The following ARHGAP23 variants were observed in gnomAD, a reference collection of about 807,000 sequenced individuals.
ARHGAP23 encodes Rho GTPase activating protein 23, also known as rho GTPase-activating protein 23.
ARHGAP23 carries 34 observed loss-of-function variants against 136.3 expected under a neutral mutation model. That is an observed-to-expected ratio of 0.25 (90% CI 0.19 to 0.33). The LOEUF (loss-of-function observed/expected upper bound fraction) is 0.33, where lower values mean the gene tolerates loss of function less well. Ranked by LOEUF, ARHGAP23 falls within the 10% of genes least tolerant of loss-of-function variation. ARHGAP23 has a pLI of 1.00. For missense variants in ARHGAP23, 1,808 were observed against 2,139.0 expected, an observed-to-expected ratio of 0.85 and a Z score of 3.05; for synonymous variants, 832 against 920.5, an observed-to-expected ratio of 0.90 and a Z score of 1.74.
upstream of ARHGAP23, chr17:38,428,343 G>T (rs546607511): frequency 1.5e-3 from 444 of 292,442 alleles, 3 homozygotes; most frequent in Middle Eastern, 0.022. Context: ...GGGGTGGGTG[G>T]TGGGAAGGGG....
intron 1 of ARHGAP23, among the ~76,000 whole-genome samples, chr17:38,420,922 A>AT (rs199615459): frequency 6.6e-5 from 10 of 151,914 alleles, no homozygotes; most frequent in Non-Finnish European, 1.0e-4. Flanking sequence ...TTTCACCTGG[A>AT]TTTTTTTTTA....
chr17:38,498,438 C>A lies in ARHGAP23; in HGVS notation c.3343C>A (p.Gln1115Lys). 6.5e-7 allele frequency: 1 copy of A among 1,548,632 alleles called. No individual in the cohort carries two copies. The highest frequency in any genetic ancestry group is 8.7e-7 in the Non-Finnish European group (1 of 1,146,254). ...GACCCCTGTGGGCGACAAGGAGCCT[C>A]AGGCAGTGCCCAACATTGAGTACCT... ...ERTPVGDKEP[Q>K]AVPNIEYLLP... Residue 1115 changes from glutamine to lysine, a missense_variant, in exon 22 of 24, where the codon CAG (glutamine) becomes AAG (lysine). This residue lies in a region of ARHGAP23 where 104 missense variants were observed against 131.8 expected (regional missense o/e 0.79). Transcript: ENST00000622683.
chr17:38,485,100 C>G (rs1291646289), intron 16 of ARHGAP23, among the ~76,000 whole-genome samples: 1 of 152,102 alleles, frequency 6.6e-6, no homozygotes, highest in African/African-American at 2.4e-5. Context: ...TTCTTGTACT[C>G]GACAACCATT....
At chr17:38,476,647 G>C (rs563015200) in intron 11 of ARHGAP23, among the ~76,000 whole-genome samples, 1 of 152,312 alleles carries the variant, frequency 6.6e-6, no homozygotes, top group Non-Finnish European at 1.5e-5. Context: ...ACATCCTTGA[G>C]GGAGGTGTGC....
chr17:38,488,612 G>A (rs1033756586), intron 17 of ARHGAP23, among the ~76,000 whole-genome samples: 2 of 152,196 alleles, frequency 1.3e-5, no homozygotes, highest in Admixed American at 1.3e-4. Context: ...GCAATGGTGT[G>A]ATCTTGGCTC....
chr17:38,498,164 C>T (rs2040434417), intron 21 of ARHGAP23, among the ~76,000 whole-genome samples: 1 of 152,216 alleles, frequency 6.6e-6, no homozygotes, highest in South Asian at 2.1e-4. Context: ...GACACAGCTC[C>T]TGCCCCTAGC....
chr17:38,465,803 C>T, intron 6 of ARHGAP23, among the ~76,000 whole-genome samples: 1 of 151,176 alleles, frequency 6.6e-6, no homozygotes, highest in East Asian at 2.0e-4. Flanking sequence ...CCGGCTCCAC[C>T]CGAGGAGCTT....
intron 12 of ARHGAP23, among the ~76,000 whole-genome samples, chr17:38,478,410 TG>T (rs2039949970): frequency 1.7e-5 from 2 of 116,450 alleles, no homozygotes; most frequent in Admixed American, 2.2e-4. Context: ...GCAGGGATTT[TG>T]GGATAATTTT....
Position 38,477,653 on chromosome 17 carries a change from G to A in ARHGAP23, c.2193G>A (p.Lys731=). The A allele has an allele frequency of 1.6e-6, 2 of 1,258,054 alleles. No individual in the cohort carries two copies. The highest frequency in any genetic ancestry group is 2.0e-6 in the Non-Finnish European group (2 of 998,270). 77.9% of individuals were successfully genotyped at this position (1,258,054 alleles called of 1,614,324 possible). Residue 731 remains lysine (K), a synonymous_variant, in exon 12 of 24, where the codon AAG becomes AAA. Coordinates refer to ENST00000622683, the MANE Select transcript of ARHGAP23 (RefSeq NM_001199417.2). This position sits in a 1 kb window ranked among gnomAD's most constrained non-coding sequence, Gnocchi z 6.6. Reference sequence around the variant, plus strand: ...GGGCGCGCTCGCTCTCGCTGAGCAAGGAGCGGCGGGAGCCCGGGCCGGCGG... The same window carrying A: ...GGGCGCGCTCGCTCTCGCTGAGCAAAGAGCGGCGGGAGCCCGGGCCGGCGG... ...ALRARSLSLS[K]ERREPGPAAA...
In ARHGAP23 at chr17:38,469,853, G is replaced by T; in HGVS notation, c.1923G>T (p.Leu641=). 1 of 1,551,676 alleles carries T rather than the reference G, an allele frequency of 6.4e-7. No homozygotes were observed. Among genetic ancestry groups the T allele is most frequent in the African/African-American group, 1.4e-5 (1 of 73,178 alleles). The change falls in exon 10 of 24, where the codon CTG becomes CTT. Residue 641 remains leucine, a synonymous_variant. Transcript: ENST00000622683. Reference sequence around the variant, plus strand: ...CTCGACCCTCGCTTTCCAGGCGCCTGCCAAACCGCATACCCAGCCTGCGGA... The same window carrying T: ...CTCGACCCTCGCTTTCCAGGCGCCTTCCAAACCGCATACCCAGCCTGCGGA... ...FRDEGRVLRR[L]PNRIPSLRML...
In ARHGAP23 at chr17:38,510,901, G is replaced by A; in HGVS notation, c.4405G>A (p.Gly1469Arg). The A allele has an allele frequency of 6.7e-7, 1 of 1,489,886 alleles. No individual in the cohort carries two copies. Among genetic ancestry groups the A allele is most frequent in the South Asian group, 1.3e-5 (1 of 79,028 alleles). 92.3% of individuals were successfully genotyped at this position (1,489,886 alleles called of 1,614,324 possible). Residue 1469 changes from glycine (G) to arginine (R), a missense_variant, in exon 24 of 24, where the codon GGG becomes AGG. Gly to Arg is a moderately radical substitution (Grantham distance 125, BLOSUM62 -2). Around this residue, in one of 7 missense-constraint regions of ARHGAP23, gnomAD observed 506 missense variants for 455.8 expected, o/e 1.11. Transcript: ENST00000622683. This position sits in a 1 kb window ranked among gnomAD's most constrained non-coding sequence, Gnocchi z 4.6. Reference sequence around the variant, plus strand: ...CGCTGCCTCGCAGCCGCCCGCGCCCGGGGACACGGGGTCCCTGCAGAGCCA... The same window carrying A: ...CGCTGCCTCGCAGCCGCCCGCGCCCAGGGACACGGGGTCCCTGCAGAGCCA... ...SSAASQPPAP[G>R]DTGSLQSQPP...
chr17:38,467,431 T>C (rs1336549826), intron 7 of ARHGAP23, 100 bp downstream of exon 7: 1 of 1,086,734 alleles, frequency 9.2e-7, no homozygotes, highest in East Asian at 2.7e-5. Context: ...AGAATTCGGC[T>C]GGGTGCTGGT....
At chr17:38,466,017 C>G in intron 6 of ARHGAP23, 150 bp from the exon 7 acceptor site, 1 of 560,492 alleles carries the variant, frequency 1.8e-6, no homozygotes, top group Non-Finnish European at 3.0e-6. Flanking sequence ...CCTTCCACCC[C>G]CACCCACTTA....
At chr17:38,501,578 G>A (rs1157388116) in intron 23 of ARHGAP23, among the ~76,000 whole-genome samples, 6 of 152,102 alleles carry the variant, frequency 3.9e-5, no homozygotes, top group Admixed American at 3.9e-4. Flanking sequence ...TGGGATTACA[G>A]GCGTGAGTCA....
At chr17:38,487,894 A>C (rs1204485561) in intron 17 of ARHGAP23, among the ~76,000 whole-genome samples, 1 of 151,920 alleles carries the variant, frequency 6.6e-6, no homozygotes, top group Non-Finnish European at 1.5e-5. Context: ...TAATACAATA[A>C]AATAAAAATA....
chr17:38,471,625 G>T (rs150946922), intron 10 of ARHGAP23, among the ~76,000 whole-genome samples: 53 of 152,342 alleles, frequency 3.5e-4, no homozygotes, highest in African/African-American at 1.2e-3. Context: ...GTGGTGAGGC[G>T]TGTGGTCTGC....
At chr17:38,498,311 C>A in intron 21 of ARHGAP23, 103 bp from the exon 22 acceptor site, 1 of 866,754 alleles carries the variant, frequency 1.2e-6, no homozygotes, top group East Asian at 2.8e-5. Flanking sequence ...TGAGCCCGGT[C>A]TGATGGAGGA....
intron 23 of ARHGAP23, among the ~76,000 whole-genome samples, 189 bp from the exon 24 acceptor site, chr17:38,509,755 G>T (rs556717590): frequency 2.0e-5 from 3 of 152,310 alleles, no homozygotes; most frequent in East Asian, 3.9e-4. Context: ...TGGGCCAGCG[G>T]GGGTAGTCTC....
At chr17:38,502,339 C>T (rs1174508842) in intron 23 of ARHGAP23, among the ~76,000 whole-genome samples, 3 of 152,230 alleles carry the variant, frequency 2.0e-5, no homozygotes, top group Admixed American at 6.5e-5. Context: ...GAGGAGGAAA[C>T]ACTTTCCAAC....
Sources: gnomAD v4.1 joint callset for allele counts (sites outside exome capture counted in the v4.1 genomes callset) on GRCh38, gnomAD v4.1.1 for gene constraint, gnomAD v4.1.1 regional missense constraint, Gnocchi (gnomAD v3.1) non-coding constraint, MANE v1.5 for transcripts, NCBI Gene and HGNC (gene_info 2026-07-23, HGNC 2026-07-21) for gene names.